Variants in KCNH1 observed in about 807,000 individuals in gnomAD.
The protein encoded by KCNH1 is potassium voltage-gated channel subfamily H member 1, also known as voltage-gated delayed rectifier potassium channel KCNH1.
KCNH1 carries 27 observed loss-of-function variants against 69.2 expected under a neutral mutation model. The ratio of observed to expected loss-of-function variants is 0.39; its 90% CI spans 0.29 to 0.54. The LOEUF (loss-of-function observed/expected upper bound fraction) is 0.54. Ranked by LOEUF, KCNH1 falls within the 20% of genes least tolerant of loss-of-function variation. The probability of loss-of-function intolerance (pLI) is 0.68; values close to 1 mark genes in which losing one functional copy is unlikely to be tolerated. For missense variants in KCNH1, 798 were observed against 1,261.6 expected (o/e 0.63, Z 5.57); for synonymous variants, 456 against 487.7 (o/e 0.93, Z 0.86).
intron 7 of KCNH1, among the ~76,000 whole-genome samples, chr1:210,897,660 C>G (rs1686899921): frequency 6.6e-6 from 1 of 152,188 alleles, no homozygotes; most frequent in South Asian, 2.1e-4. Flanking sequence ...CTATGGTTTT[C>G]TCTCCCCTGC....
Position 210,863,125 on chromosome 1 carries a change from G to C in KCNH1, c.1462+56515C>G, listed in dbSNP as rs566049213. Among the ~76,000 whole-genome samples, 51 of 152,312 alleles carry C rather than the reference G, an allele frequency of 3.3e-4. 1 individual carries two copies. Among genetic ancestry groups the C allele is most frequent in the Admixed American group, 3.1e-3 (47 of 15,300 alleles). On this transcript the variant is annotated intron_variant, in intron 7 of 10. Coordinates refer to ENST00000271751, the MANE Select transcript of KCNH1 (RefSeq NM_172362.3). Reference sequence around the variant, plus strand: ...GAGAACTTCCTTGAATCCATGAAGAGCTTCCAAAAAGAGAAATTTTAAGTT... The same window carrying C: ...GAGAACTTCCTTGAATCCATGAAGACCTTCCAAAAAGAGAAATTTTAAGTT...
chr1:210,895,721 G>T (rs1234365183), intron 7 of KCNH1, among the ~76,000 whole-genome samples: 3 of 151,886 alleles, frequency 2.0e-5, no homozygotes, highest in Non-Finnish European at 4.4e-5. Context: ...GCAGAAGACA[G>T]AATATAGTTT....
chr1:210,911,213 C>T (rs963850015), intron 7 of KCNH1, among the ~76,000 whole-genome samples: 3 of 151,996 alleles, frequency 2.0e-5, no homozygotes, highest in South Asian at 4.2e-4. Context: ...GCCTGGCCCA[C>T]GGCTCTTCCC....
intron 6 of KCNH1, among the ~76,000 whole-genome samples, chr1:210,985,636 T>A (rs1378683579): frequency 6.6e-6 from 1 of 152,250 alleles, no homozygotes; most frequent in African/African-American, 2.4e-5. Context: ...GATTGCACTG[T>A]GGTCTGGGAG....
chr1:210,941,998 C>T (rs1687885137), intron 6 of KCNH1, among the ~76,000 whole-genome samples: 1 of 152,190 alleles, frequency 6.6e-6, no homozygotes, highest in African/African-American at 2.4e-5. Context: ...CATGAAGCAA[C>T]TGAGAGACAC....
At chr1:210,830,836 G>T (rs1343240195) in intron 7 of KCNH1, among the ~76,000 whole-genome samples, 1 of 152,150 alleles carries the variant, frequency 6.6e-6, no homozygotes, top group African/African-American at 2.4e-5. Context: ...ACTCCCAGGA[G>T]GTTTGAGAGT....
chr1:211,063,955 T>C (rs1571618084), intron 5 of KCNH1, among the ~76,000 whole-genome samples: 1 of 152,194 alleles, frequency 6.6e-6, no homozygotes, highest in Admixed American at 6.5e-5. Flanking sequence ...CCCATAAATA[T>C]GTAAATCTAT....
chr1:210,899,529 C>T lies in KCNH1; in HGVS notation c.1462+20111G>A, dbSNP rs189110841. On this transcript the variant is annotated intron_variant, in intron 7 of 10. Coordinates refer to ENST00000271751, the MANE Select transcript of KCNH1 (RefSeq NM_172362.3). The stretch of plus-strand genomic sequence containing the variant: ...TATTTTTATCATTATCTCATACAAA[C>T]AAAAGCTCTTTGGGATTTGGGGATT... Among the ~76,000 whole-genome samples the T allele has an allele frequency of 5.5e-3, 835 of 151,866 alleles. 3 individuals carry two copies. The highest frequency in any genetic ancestry group is 8.2e-3 in the Non-Finnish European group (555 of 67,982).
At chr1:210,737,192 G>A (rs1682900838) in intron 10 of KCNH1, among the ~76,000 whole-genome samples, 1 of 152,160 alleles carries the variant, frequency 6.6e-6, no homozygotes, top group South Asian at 2.1e-4. Flanking sequence ...GGCAGCCAGA[G>A]GACAGGGAAA....
chr1:211,101,045 T>A (rs1219472756), intron 3 of KCNH1, among the ~76,000 whole-genome samples: 1 of 152,194 alleles, frequency 6.6e-6, no homozygotes. Flanking sequence ...TTTGTCTAAC[T>A]CCCCTCTATC....
intron 7 of KCNH1, among the ~76,000 whole-genome samples, chr1:210,871,715 T>C (rs1351923347): frequency 5.3e-5 from 8 of 151,688 alleles, no homozygotes; most frequent in Non-Finnish European, 1.0e-4. Flanking sequence ...TGGAATACTA[T>C]GCAGCCATAA....
intron 6 of KCNH1, among the ~76,000 whole-genome samples, chr1:210,963,063 C>A (rs193046790): frequency 4.0e-5 from 6 of 151,646 alleles, no homozygotes; most frequent in African/African-American, 1.2e-4. Context: ...ATTCCCAAAT[C>A]GTAACTTATC....
intron 10 of KCNH1, among the ~76,000 whole-genome samples, chr1:210,729,280 C>A (rs1004037060): frequency 6.6e-6 from 1 of 152,164 alleles, no homozygotes; most frequent in African/African-American, 2.4e-5. Context: ...CTTATCCCTC[C>A]TCCTGCTGAC....
chr1:210,907,644 C>T (rs893656008), intron 7 of KCNH1, among the ~76,000 whole-genome samples: 1 of 152,162 alleles, frequency 6.6e-6, no homozygotes, highest in African/African-American at 2.4e-5. Flanking sequence ...ATTTCCCCCA[C>T]ATTGGAGCAA....
intron 1 of KCNH1, among the ~76,000 whole-genome samples, chr1:211,114,553 C>T (rs1691533368): frequency 6.6e-6 from 1 of 152,182 alleles, no homozygotes; most frequent in African/African-American, 2.4e-5. Flanking sequence ...TGGGAATCTC[C>T]TGAATAAAGT....
rs3040180 is a variant in KCNH1, at chr1:210,754,844, GCACACACACACACA to G, written c.2112+20490_2112+20503del. Among the ~76,000 whole-genome samples, 15 of 148,960 alleles carry G rather than the reference GCACACACACACACA, an allele frequency of 1.0e-4. No homozygotes were observed. In the South Asian group the frequency reaches 1.5e-3, roughly 15 times the overall value. On this transcript the variant is annotated intron_variant, in intron 10 of 10. Coordinates refer to ENST00000271751, the MANE Select transcript of KCNH1 (RefSeq NM_172362.3). The stretch of plus-strand genomic sequence containing the variant: ...GGGCCTGATACACAAGTACACACGG[GCACACACACACACA>G]CACACACACACACACACACACAGAC...
At chr1:211,090,431 C>G in intron 4 of KCNH1, 131 bp downstream of exon 4, 2 of 751,356 alleles carry the variant, frequency 2.7e-6, no homozygotes, top group Non-Finnish European at 4.2e-6. Context: ...GTGCTTTGCT[C>G]TATACAAATT....
intron 6 of KCNH1, among the ~76,000 whole-genome samples, chr1:211,017,963 G>A (rs1689521632): frequency 6.6e-6 from 1 of 152,060 alleles, no homozygotes. Context: ...CCTCTCTGGG[G>A]GAAGTGGGGT....
intron 7 of KCNH1, among the ~76,000 whole-genome samples, chr1:210,911,687 A>G (rs1687235760): frequency 6.6e-6 from 1 of 151,994 alleles, no homozygotes; most frequent in Admixed American, 6.6e-5. Context: ...TACCTATAAG[A>G]TCAGAGACAA....
Sources: allele counts gnomAD v4.1 joint callset (sites outside exome capture counted in the v4.1 genomes callset), GRCh38; gene constraint gnomAD v4.1.1; transcripts MANE v1.5; gene names NCBI Gene and HGNC (gene_info 2026-07-23, HGNC 2026-07-21).